The following ASIC2 variants were observed in gnomAD, a reference collection of about 807,000 sequenced individuals.
The protein encoded by ASIC2 is acid-sensing ion channel 2.
Under a neutral mutation model 57.3 loss-of-function variants are expected in ASIC2, and 25 were observed. That is an observed-to-expected ratio of 0.44 (90% CI 0.32 to 0.61). The LOEUF (loss-of-function observed/expected upper bound fraction) is 0.61. ASIC2 is among the 20% of genes least tolerant of loss of function. The probability of loss-of-function intolerance (pLI) is 0.06; values close to 1 mark genes in which losing one functional copy is unlikely to be tolerated. For missense variants in ASIC2, 641 were observed against 738.1 expected, an observed-to-expected ratio of 0.87 and a Z score of 1.52; for synonymous variants, 319 against 307.5, an observed-to-expected ratio of 1.04 and a Z score of -0.39.
chr17:33,853,396 C>T lies in ASIC2; in HGVS notation c.555+302582G>A, dbSNP rs544871086. 3.3e-5 allele frequency among the ~76,000 whole-genome samples: 5 copies of T among 152,258 alleles called. No individual in the cohort carries two copies. The South Asian group carries it at 1.0e-3, about 32-fold the overall frequency. On this transcript the variant is annotated intron_variant, in intron 1 of 9. Transcript: ENST00000359872. ...ACTGTGCCAGGCACAGTGCTGGGCACACATGCATTGATTCATTTCGGTTTG... is the reference window on the plus strand; with the variant it reads ...ACTGTGCCAGGCACAGTGCTGGGCATACATGCATTGATTCATTTCGGTTTG...
At chr17:33,816,291 T>A (rs1912579012) in intron 1 of ASIC2, among the ~76,000 whole-genome samples, 1 of 151,428 alleles carries the variant, frequency 6.6e-6, no homozygotes, top group Non-Finnish European at 1.5e-5. Flanking sequence ...AATGCGGAGG[T>A]GAAGATGAAT....
intron 1 of ASIC2, among the ~76,000 whole-genome samples, chr17:33,341,361 C>G (rs1401681513): frequency 6.6e-6 from 1 of 152,272 alleles, no homozygotes; most frequent in African/African-American, 2.4e-5. Context: ...ATTCATCATC[C>G]AATCCAAGCC....
intron 1 of ASIC2, among the ~76,000 whole-genome samples, chr17:34,106,679 C>T (rs946673837): frequency 2.6e-5 from 4 of 152,046 alleles, no homozygotes; most frequent in African/African-American, 4.8e-5. Flanking sequence ...ATCATTTTGG[C>T]GTTCAAATTT....
At chr17:33,636,071 C>T (rs1404316728) in intron 1 of ASIC2, among the ~76,000 whole-genome samples, 1 of 152,094 alleles carries the variant, frequency 6.6e-6, no homozygotes, top group Non-Finnish European at 1.5e-5. Context: ...AGTTGCAGAA[C>T]AATATTGCAT....
At chr17:33,591,008 TCATTGGCTTCATTC>T (rs1221858149) in intron 1 of ASIC2, among the ~76,000 whole-genome samples, 1 of 152,216 alleles carries the variant, frequency 6.6e-6, no homozygotes, top group Non-Finnish European at 1.5e-5. Context: ...TTCAGTCTGG[TCATTGGCTTCATTC>T]CAACGTGCTC....
intron 1 of ASIC2, among the ~76,000 whole-genome samples, chr17:34,099,181 A>C (rs1487294284): frequency 7.0e-5 from 2 of 28,504 alleles, no homozygotes; most frequent in Non-Finnish European, 2.2e-4. Flanking sequence ...AGAAAGAAAG[A>C]AAGAAAGAAA....
chr17:33,119,337 GA>G (rs140288395), intron 1 of ASIC2, among the ~76,000 whole-genome samples: 1,780 of 152,282 alleles, frequency 0.012, 28 homozygotes, highest in African/African-American at 0.041. Context: ...GTGAGCTACT[GA>G]AATTTCTCAT....
intron 1 of ASIC2, among the ~76,000 whole-genome samples, chr17:33,315,764 C>T (rs1257990341): frequency 6.6e-6 from 1 of 152,164 alleles, no homozygotes; most frequent in African/African-American, 2.4e-5. Context: ...CCACAATGAC[C>T]CTCTTACAAG....
intron 1 of ASIC2, among the ~76,000 whole-genome samples, chr17:33,966,602 T>C (rs949243306): frequency 2.0e-5 from 3 of 152,208 alleles, no homozygotes; most frequent in African/African-American, 7.2e-5. Flanking sequence ...ACACACCTGA[T>C]AGTATGAGAA....
chr17:33,475,209 T>C (rs1377220748), intron 1 of ASIC2, among the ~76,000 whole-genome samples: 2 of 152,074 alleles, frequency 1.3e-5, no homozygotes, highest in African/African-American at 4.8e-5. Flanking sequence ...TTCAGAAACT[T>C]ACAGAGAGTA....
chr17:33,725,363 G>A lies in ASIC2; in HGVS notation c.555+430615C>T, dbSNP rs144132843. 3.2e-3 allele frequency among the ~76,000 whole-genome samples: 486 copies of A among 152,342 alleles called. 2 individuals carry two copies. Among genetic ancestry groups the A allele is most frequent in the African/African-American group, 0.011 (460 of 41,580 alleles). On this transcript the variant is annotated intron_variant, in intron 1 of 9. Coordinates refer to the ASIC2 transcript ENST00000359872. Reference sequence around the variant, plus strand: ...AATATTTAGGTCTCAGGCCTATCAGGAGGTTTTCTGTAGGGCAGGGACTTA... The same window carrying A: ...AATATTTAGGTCTCAGGCCTATCAGAAGGTTTTCTGTAGGGCAGGGACTTA...
intron 1 of ASIC2, among the ~76,000 whole-genome samples, chr17:33,883,885 A>AT (rs35830024): frequency 0.26 from 40,096 of 151,846 alleles, 5,474 homozygotes; most frequent in Middle Eastern, 0.37. Context: ...CAACAATTAG[A>AT]TTTTTTTTTG....
At chr17:33,411,738 C>T (rs148631924) in intron 1 of ASIC2, among the ~76,000 whole-genome samples, 41 of 152,344 alleles carry the variant, frequency 2.7e-4, no homozygotes, top group African/African-American at 8.4e-4. Flanking sequence ...TTACCATTGA[C>T]TGACTGTGTG....
chr17:33,731,627 A>C (rs1022864869), intron 1 of ASIC2, among the ~76,000 whole-genome samples: 2 of 152,262 alleles, frequency 1.3e-5, no homozygotes. Context: ...GAAACACTAA[A>C]CCCCCTTGGG....
intron 1 of ASIC2, among the ~76,000 whole-genome samples, chr17:33,282,610 G>A (rs9889820): frequency 0.54 from 82,640 of 151,778 alleles, 22,955 homozygotes; most frequent in East Asian, 0.91. Context: ...TAGTAGCTGG[G>A]ACTACAGTTG....
chr17:33,073,716 A>G (rs1443317345), intron 3 of ASIC2, among the ~76,000 whole-genome samples: 1 of 152,246 alleles, frequency 6.6e-6, no homozygotes, highest in Non-Finnish European at 1.5e-5. Flanking sequence ...TGTTTATGGG[A>G]AACAATGTTG....
At chr17:33,037,534 G>A (rs1246685758) in intron 3 of ASIC2, among the ~76,000 whole-genome samples, 2 of 151,754 alleles carry the variant, frequency 1.3e-5, no homozygotes, top group Non-Finnish European at 2.9e-5. Context: ...GCACAGCACC[G>A]ACTCTTGCTT....
At chr17:33,697,351 G>C (rs1346105599) in intron 1 of ASIC2, among the ~76,000 whole-genome samples, 1 of 152,224 alleles carries the variant, frequency 6.6e-6, no homozygotes, top group African/African-American at 2.4e-5. Flanking sequence ...AGGCTAAGGA[G>C]GAGGAGGAAG....
chr17:33,664,967 G>T (rs1434570660), intron 1 of ASIC2, among the ~76,000 whole-genome samples: 1 of 152,096 alleles, frequency 6.6e-6, no homozygotes, highest in Non-Finnish European at 1.5e-5. Flanking sequence ...CCAAAAAGCT[G>T]CAATTGTTAA....
Sources: allele counts gnomAD v4.1 joint callset (sites outside exome capture counted in the v4.1 genomes callset), GRCh38; gene constraint gnomAD v4.1.1; transcripts MANE v1.5; gene names NCBI Gene and HGNC (gene_info 2026-07-23, HGNC 2026-07-21).